Variants in PPP2R2C observed in about 807,000 individuals in gnomAD.
PPP2R2C encodes protein phosphatase 2 regulatory subunit Bgamma, also known as protein phosphatase 2, regulatory subunit B, gamma.
Under a neutral mutation model 45.3 loss-of-function variants are expected in PPP2R2C, and 10 were observed. The observed-to-expected ratio is 0.22, with a 90% CI of 0.14 to 0.37. The LOEUF (loss-of-function observed/expected upper bound fraction) is 0.37, where lower values mean the gene tolerates loss of function less well. PPP2R2C is among the 10% of genes least tolerant of loss of function. The pLI, the probability that PPP2R2C is intolerant of heterozygous loss-of-function variation, is 1.00. For missense variants in PPP2R2C, 308 were observed against 619.7 expected, an observed-to-expected ratio of 0.50 and a Z score of 5.34; for synonymous variants, 257 against 245.4, an observed-to-expected ratio of 1.05 and a Z score of -0.44.
chr4:6,412,712 G>A (rs948726891), intron 1 of PPP2R2C, among the ~76,000 whole-genome samples: 3 of 152,166 alleles, frequency 2.0e-5, no homozygotes, highest in African/African-American at 7.2e-5. Context: ...GAATGGCTGT[G>A]TCCCCTCAAA....
intron 6 of PPP2R2C, among the ~76,000 whole-genome samples, chr4:6,339,494 C>T (rs59276878): frequency 0.23 from 35,121 of 152,260 alleles, 4,287 homozygotes; most frequent in Admixed American, 0.26. Context: ...CCCTGTGTGC[C>T]CGTGGCACTT....
chr4:6,533,140 A>G lies in PPP2R2C; in HGVS notation c.49+2131T>C, dbSNP rs182799036. Among the ~76,000 whole-genome samples the G allele has an allele frequency of 3.6e-3, 546 of 152,312 alleles. 6 individuals carry two copies. The highest frequency in any genetic ancestry group is 0.012 in the African/African-American group (509 of 41,566). ...AAAGCTTCCTATTTCTAAAAGGTGGATGCTATTGAAGAATTCACAATCATC... is the reference window on the plus strand; with the variant it reads ...AAAGCTTCCTATTTCTAAAAGGTGGGTGCTATTGAAGAATTCACAATCATC... On this transcript the variant is annotated intron_variant, in intron 2 of 9. Transcript: ENST00000506140.
intron 6 of PPP2R2C, among the ~76,000 whole-genome samples, chr4:6,341,415 A>T (rs1733438541): frequency 6.6e-6 from 1 of 151,946 alleles, no homozygotes; most frequent in Non-Finnish European, 1.5e-5. Context: ...CTGTGATGAG[A>T]AAGGGAAAAA....
intron 1 of PPP2R2C, among the ~76,000 whole-genome samples, chr4:6,404,607 G>C (rs1370506012): frequency 1.3e-5 from 2 of 152,232 alleles, no homozygotes; most frequent in African/African-American, 2.4e-5. Flanking sequence ...CGAGGGGCCT[G>C]TAGGAAATTA....
intron 1 of PPP2R2C, among the ~76,000 whole-genome samples, chr4:6,418,474 G>A (rs547873108): frequency 2.0e-5 from 3 of 152,246 alleles, no homozygotes; most frequent in Non-Finnish European, 4.4e-5. Context: ...CAGCTCGCAC[G>A]CTTAAACATC....
intron 2 of PPP2R2C, among the ~76,000 whole-genome samples, chr4:6,504,867 C>T (rs767187444): frequency 6.6e-6 from 1 of 152,010 alleles, no homozygotes; most frequent in African/African-American, 2.4e-5. Context: ...GACAAAAGAA[C>T]GAGGCACAAA....
chr4:6,369,360 C>T (rs937703649), intron 5 of PPP2R2C, among the ~76,000 whole-genome samples: 7 of 152,196 alleles, frequency 4.6e-5, no homozygotes, highest in Admixed American at 1.3e-4. Flanking sequence ...ATTTTGTGTG[C>T]ACAGCCGTTA....
chr4:6,399,233 G>A (rs1343497911), intron 1 of PPP2R2C, among the ~76,000 whole-genome samples: 1 of 152,192 alleles, frequency 6.6e-6, no homozygotes, highest in African/African-American at 2.4e-5. Flanking sequence ...ACTTTAAGGG[G>A]ATGGCATTTA....
chr4:6,362,678 G>C (rs1713898460), intron 5 of PPP2R2C, among the ~76,000 whole-genome samples: 1 of 152,230 alleles, frequency 6.6e-6, no homozygotes, highest in African/African-American at 2.4e-5. Context: ...AGTTGGGACA[G>C]TGACAGCCCC....
chr4:6,409,704 G>T (rs1400131753), intron 1 of PPP2R2C, among the ~76,000 whole-genome samples: 1 of 152,188 alleles, frequency 6.6e-6, no homozygotes, highest in Non-Finnish European at 1.5e-5. Flanking sequence ...CCCAGCCCTG[G>T]AGACACTAAG....
chr4:6,516,713 T>C (rs1302020026), intron 2 of PPP2R2C, among the ~76,000 whole-genome samples: 1 of 152,264 alleles, frequency 6.6e-6, no homozygotes, highest in Non-Finnish European at 1.5e-5. Context: ...TTTACTTTTC[T>C]ACATGCTTTG....
At chr4:6,395,141 T>C (rs956730861) in intron 1 of PPP2R2C, among the ~76,000 whole-genome samples, 5 of 152,054 alleles carry the variant, frequency 3.3e-5, no homozygotes, top group African/African-American at 1.2e-4. Flanking sequence ...GAAAACCTCA[T>C]CCGATGGCCC....
intron 1 of PPP2R2C, among the ~76,000 whole-genome samples, chr4:6,406,163 G>C (rs1159129846): frequency 6.6e-6 from 1 of 152,150 alleles, no homozygotes; most frequent in Admixed American, 6.5e-5. Context: ...CCTTTCTGCT[G>C]TCTTTGGGTT....
At chr4:6,449,523 C>A (rs1296642535) in intron 1 of PPP2R2C, among the ~76,000 whole-genome samples, 1 of 152,346 alleles carries the variant, frequency 6.6e-6, no homozygotes, top group African/African-American at 2.4e-5. Context: ...GACATGCGGA[C>A]CCCCGCCGCC....
intron 1 of PPP2R2C, among the ~76,000 whole-genome samples, chr4:6,385,770 A>G (rs1716165997): frequency 6.6e-6 from 1 of 152,080 alleles, no homozygotes; most frequent in South Asian, 2.1e-4. Context: ...GGGTTTCACC[A>G]TATTGGTCAG....
At chr4:6,482,660 A>C (rs62286081) in intron 2 of PPP2R2C, among the ~76,000 whole-genome samples, 5,860 of 152,282 alleles carry the variant, frequency 0.038, 176 homozygotes, top group Non-Finnish European at 0.058. Flanking sequence ...TGGATTTTCT[A>C]CGTAGACAAT....
intron 2 of PPP2R2C, among the ~76,000 whole-genome samples, chr4:6,513,091 G>C (rs1158365865): frequency 6.6e-6 from 1 of 152,124 alleles, no homozygotes; most frequent in East Asian, 1.9e-4. Context: ...AGGATAATTT[G>C]ATTATATCAT....
intron 2 of PPP2R2C, among the ~76,000 whole-genome samples, chr4:6,531,942 T>C (rs1159596266): frequency 1.3e-5 from 2 of 152,258 alleles, no homozygotes; most frequent in South Asian, 2.1e-4. Context: ...TCTTCCCAGG[T>C]CTCATCCCCC....
intron 2 of PPP2R2C, among the ~76,000 whole-genome samples, chr4:6,510,458 T>C (rs1256451516): frequency 6.6e-6 from 1 of 152,206 alleles, no homozygotes; most frequent in East Asian, 1.9e-4. Context: ...TCCATCACCC[T>C]GTTTTAACTT....
Sources: allele counts gnomAD v4.1 joint callset (sites outside exome capture counted in the v4.1 genomes callset), GRCh38; gene constraint gnomAD v4.1.1; transcripts MANE v1.5; gene names NCBI Gene and HGNC (gene_info 2026-07-23, HGNC 2026-07-21).